ESRRB: variants seen among roughly 807,000 people sequenced by gnomAD.
ESRRB encodes estrogen related receptor beta.
ESRRB carries 16 observed loss-of-function variants against 46.0 expected under a neutral mutation model. That is an observed-to-expected ratio of 0.35 (90% CI 0.24 to 0.53). The LOEUF (loss-of-function observed/expected upper bound fraction) is 0.53. Among genes scored for constraint, ESRRB ranks in the 20% least tolerant of loss-of-function variants. ESRRB has a pLI of 0.93. For missense variants in ESRRB, 488 were observed against 607.4 expected (o/e 0.80, Z 2.07); for synonymous variants, 246 against 259.6 (o/e 0.95, Z 0.50).
At chr14:76,372,419 A>G (rs1031253193), upstream of ESRRB, among the ~76,000 whole-genome samples, 1 of 152,148 alleles carries the variant, frequency 6.6e-6, no homozygotes, top group African/African-American at 2.4e-5. Context: ...GAGGACACAG[A>G]AGCCTGTGTC....
chr14:76,405,168 A>T (rs1886125375), intron 1 of ESRRB, among the ~76,000 whole-genome samples: 1 of 152,044 alleles, frequency 6.6e-6, no homozygotes, highest in South Asian at 2.1e-4. Context: ...TGGCGTGATC[A>T]GAGCTCACTG....
intron 1 of ESRRB, among the ~76,000 whole-genome samples, chr14:76,392,392 G>C (rs897745229): frequency 6.6e-6 from 1 of 152,184 alleles, no homozygotes; most frequent in Non-Finnish European, 1.5e-5. Flanking sequence ...TTTAGCATTT[G>C]ATGCCTTTAA....
At chr14:76,315,355 C>T (rs138636589) in intron 1 of ESRRB, among the ~76,000 whole-genome samples, 1 of 152,304 alleles carries the variant, frequency 6.6e-6, no homozygotes, top group African/African-American at 2.4e-5. Context: ...TAGCCTGCCT[C>T]ATCGTTGATA....
chr14:76,347,431 G>GGCACAGACCATGTGTGTCTAAT (rs1595051168), intron 1 of ESRRB, among the ~76,000 whole-genome samples: 2 of 61,236 alleles, frequency 3.3e-5, no homozygotes, highest in African/African-American at 4.4e-5. Context: ...GTGTGTGTGT[G>GGCACAGACCATGTGTGTCTAAT]TGTCACACAC....
intron 6 of ESRRB, among the ~76,000 whole-genome samples, chr14:76,493,588 G>C (rs911501617): frequency 6.6e-6 from 1 of 152,164 alleles, no homozygotes; most frequent in Non-Finnish European, 1.5e-5. Context: ...AGTGTTATTA[G>C]CATATGGAAA....
intron 1 of ESRRB, among the ~76,000 whole-genome samples, chr14:76,328,390 G>C (rs1017191225): frequency 6.6e-6 from 1 of 152,218 alleles, no homozygotes; most frequent in Non-Finnish European, 1.5e-5. Context: ...TAGTCCCCCT[G>C]AGTCGGGGAC....
At chr14:76,342,664 A>AT (rs1884205593) in intron 1 of ESRRB, among the ~76,000 whole-genome samples, 1 of 152,216 alleles carries the variant, frequency 6.6e-6, no homozygotes, top group Non-Finnish European at 1.5e-5. Flanking sequence ...ATGAGCTTTG[A>AT]TTTCCCCATC....
chr14:76,465,028 G>C (rs1889046892), intron 3 of ESRRB, among the ~76,000 whole-genome samples: 1 of 152,134 alleles, frequency 6.6e-6, no homozygotes, highest in African/African-American at 2.4e-5. Context: ...GTCAAGCAGG[G>C]GGCCAGGGGC....
intron 1 of ESRRB, among the ~76,000 whole-genome samples, chr14:76,311,868 C>T (rs1433091016): frequency 1.3e-5 from 2 of 151,466 alleles, no homozygotes; most frequent in Non-Finnish European, 2.9e-5. Flanking sequence ...TCCCGTGCAA[C>T]GTTTGGGACT....
chr14:76,455,307 T>A (rs1028020350), intron 2 of ESRRB, among the ~76,000 whole-genome samples: 2 of 151,922 alleles, frequency 1.3e-5, no homozygotes, highest in Admixed American at 6.6e-5. Context: ...GTTAACCATT[T>A]AAAAAAAACT....
At chr14:76,485,141 A>G (rs951423613) in intron 5 of ESRRB, among the ~76,000 whole-genome samples, 1 of 151,416 alleles carries the variant, frequency 6.6e-6, no homozygotes, top group African/African-American at 2.4e-5. Flanking sequence ...TTGCCTCCTG[A>G]CCTTCCAGTG....
chr14:76,331,434 G>A lies in ESRRB; in HGVS notation c.2+20518G>A, dbSNP rs576652020. 1.2e-4 allele frequency among the ~76,000 whole-genome samples: 18 copies of A among 152,316 alleles called. No individual in the cohort carries two copies. The South Asian group carries it at 3.7e-3, about 32-fold the overall frequency. On this transcript the variant is annotated intron_variant, in intron 1 of 6. Transcript: ENST00000512784. ...ACACGGGTGGCATGCACAGCACAGC[G>A]CTGGCTCGTGTAGTGAGGGCTCCTG... is the stretch of plus-strand genomic sequence containing the variant.
Position 76,376,158 on chromosome 14 carries a change from C to T in ESRRB, c.-244C>T. ...CTCCAAGTCTCTTGTGCCCCAGCCT[C>T]CTCCACGGCTTCGCATCCCCTCTGC... is the stretch of plus-strand genomic sequence containing the variant. On this transcript the variant is annotated 5_prime_UTR_variant, in exon 1 of 7. Coordinates refer to ENST00000644823, the MANE Select transcript of ESRRB (RefSeq NM_001379180.1). This position sits in a 1 kb window ranked among gnomAD's most constrained non-coding sequence, Gnocchi z 4.1. 4 of 384,112 alleles carry T rather than the reference C, an allele frequency of 1.0e-5. No individual in the cohort carries two copies. Among genetic ancestry groups the T allele is most frequent in the Non-Finnish European group, 1.8e-5 (4 of 217,544 alleles). 23.8% of individuals were successfully genotyped at this position (384,112 alleles called of 1,614,324 possible).
Position 76,465,776 on chromosome 14 carries a change from C to T in ESRRB, c.577+3115C>T, listed in dbSNP as rs542347693. ...GGAAGGGACAGCCACTAGAACGCTC[C>T]CTCCCCCACTCCCCGCCAGTGCTGG... On this transcript the variant is annotated intron_variant, in intron 3 of 6. Coordinates refer to ENST00000644823, the MANE Select transcript of ESRRB (RefSeq NM_001379180.1). 2.7e-3 allele frequency among the ~76,000 whole-genome samples: 405 copies of T among 152,322 alleles called. 1 individual carries two copies. Among genetic ancestry groups the T allele is most frequent in the Non-Finnish European group, 4.4e-3 (298 of 68,020 alleles).
chr14:76,334,457 C>T (rs1022767959), intron 1 of ESRRB, among the ~76,000 whole-genome samples: 1 of 152,330 alleles, frequency 6.6e-6, no homozygotes, highest in East Asian at 1.9e-4. Flanking sequence ...CAGCCTCGCG[C>T]TCACAGCCGC....
At chr14:76,339,176 C>T (rs190859290) in intron 1 of ESRRB, among the ~76,000 whole-genome samples, 3 of 152,146 alleles carry the variant, frequency 2.0e-5, no homozygotes, top group African/African-American at 7.2e-5. Flanking sequence ...AATGGCACAC[C>T]CTAGTGGGTG....
At chr14:76,463,648 G>A (rs113818224) in intron 3 of ESRRB, among the ~76,000 whole-genome samples, 79 of 151,668 alleles carry the variant, frequency 5.2e-4, no homozygotes, top group African/African-American at 1.9e-3. Flanking sequence ...GGGGTTTCAC[G>A]GTGTTAGCCA....
At chr14:76,442,770 T>C (rs1476775131) in intron 2 of ESRRB, among the ~76,000 whole-genome samples, 1 of 151,830 alleles carries the variant, frequency 6.6e-6, no homozygotes, top group East Asian at 1.9e-4. Flanking sequence ...ACTCAGATTA[T>C]TTTAGCTATT....
chr14:76,441,963 A>C lies in ESRRB; in HGVS notation c.460+2213A>C, dbSNP rs715343. ...CCGGGATGATTCTGTTTATTCAACA[A>C]ATATTTATGTGTTTAAGTTTCTTCA... is the stretch of plus-strand genomic sequence containing the variant. On this transcript the variant is annotated intron_variant, in intron 2 of 6. Transcript: ENST00000644823. 6.6e-3 allele frequency among the ~76,000 whole-genome samples: 1,006 copies of C among 152,286 alleles called. 9 individuals carry two copies. Among genetic ancestry groups the C allele is most frequent in the African/African-American group, 0.023 (951 of 41,560 alleles).
Sources: gnomAD v4.1 joint callset for allele counts (sites outside exome capture counted in the v4.1 genomes callset) on GRCh38, gnomAD v4.1.1 for gene constraint, Gnocchi (gnomAD v3.1) non-coding constraint, MANE v1.5 for transcripts, NCBI Gene and HGNC (gene_info 2026-07-23, HGNC 2026-07-21) for gene names.